Variants in EBI3 observed in about 807,000 individuals in gnomAD.
EBI3 encodes interleukin-27 subunit beta.
Under a neutral mutation model 21.3 loss-of-function variants are expected in EBI3, and 19 were observed. That is an observed-to-expected ratio of 0.89 (90% CI 0.62 to 1.31). EBI3 has a LOEUF of 1.31. EBI3 is among the 50% of genes most tolerant of loss of function. EBI3 has a pLI of 0.00. For synonymous variants in EBI3, 154 were observed against 131.2 expected (o/e 1.17, Z -1.19); for missense variants, 331 against 314.0 (o/e 1.05, Z -0.41).
Position 4,234,743 on chromosome 19 carries a change from C to G in EBI3, c.456C>G (p.Pro152=). 1 of 1,614,120 alleles carries G rather than the reference C, an allele frequency of 6.2e-7. No individual in the cohort carries two copies. The highest frequency in any genetic ancestry group is 8.5e-7 in the Non-Finnish European group (1 of 1,180,018). ...AGCTACAGGTGCAGTGGGAGCCTCC[C>G]GGGTCCTGGCCCTTCCCAGAGATCT... is the stretch of plus-strand genomic sequence containing the variant. ...ERQLQVQWEP[P]GSWPFPEIFS... The change falls in exon 4 of 5, where the codon CCC becomes CCG. Residue 152 remains proline, a synonymous_variant. Coordinates refer to ENST00000221847, the MANE Select transcript of EBI3 (RefSeq NM_005755.3).
intron 4 of EBI3, among the ~76,000 whole-genome samples, chr19:4,236,543 A>AAAAAAAAAT (rs869283945): frequency 6.7e-6 from 1 of 149,674 alleles, no homozygotes; most frequent in Admixed American, 6.7e-5. Flanking sequence ...AAAAAAAAAA[A>AAAAAAAAAT]GCATGGTTAA....
chr19:4,235,928 C>G (rs765231792), intron 4 of EBI3, among the ~76,000 whole-genome samples: 18 of 151,494 alleles, frequency 1.2e-4, no homozygotes, highest in Non-Finnish European at 2.5e-4. Context: ...CTCTGTCTCC[C>G]AACTTAAATA....
intron 1 of EBI3, among the ~76,000 whole-genome samples, chr19:4,229,822 T>A (rs1354860519): frequency 1.3e-5 from 2 of 152,136 alleles, no homozygotes; most frequent in Admixed American, 6.5e-5. Flanking sequence ...ACCTTGTGGG[T>A]GATAGGGACT....
chr19:4,231,351 G>A, intron 2 of EBI3, 28 bp downstream of exon 2: 4 of 1,580,268 alleles, frequency 2.5e-6, no homozygotes, highest in East Asian at 2.3e-5. Flanking sequence ...GGGGCCTCAG[G>A]GACACTGGAC....
At chr19:4,229,716 G>A (rs1013331669) in intron 1 of EBI3, 99 bp downstream of exon 1, 7 of 1,242,062 alleles carry the variant, frequency 5.6e-6, no homozygotes, top group Admixed American at 2.3e-5. Context: ...ACATCCTCCC[G>A]TGCCCAATGG....
Position 4,234,651 on chromosome 19 carries a change from C to A in EBI3, c.380-16C>A. 1 of 1,607,636 alleles carries A rather than the reference C, an allele frequency of 6.2e-7. No homozygotes were observed. Reference sequence around the variant, plus strand: ...GACTTACTGTCCCCTGACCCTGCTTCCTGCTTGTCCGTCAGTCAAGCCCGA... The same window carrying A: ...GACTTACTGTCCCCTGACCCTGCTTACTGCTTGTCCGTCAGTCAAGCCCGA... On this transcript the variant is annotated splice_polypyrimidine_tract_variant and intron_variant, in intron 3 of 4. Coordinates refer to ENST00000221847, the MANE Select transcript of EBI3 (RefSeq NM_005755.3).
intron 4 of EBI3, among the ~76,000 whole-genome samples, chr19:4,236,435 TG>T (rs1226650622): frequency 1.5e-5 from 2 of 137,642 alleles, no homozygotes; most frequent in Admixed American, 8.4e-5. Flanking sequence ...CGTGAGAGGA[TG>T]GTTTGAGCCT....
chr19:4,232,932 G>A (rs1970802548), intron 2 of EBI3, 197 bp from the exon 3 acceptor site: 1 of 535,452 alleles, frequency 1.9e-6, no homozygotes, highest in Admixed American at 3.9e-5. Flanking sequence ...TGAACCATCA[G>A]GGGCACCGTG....
intron 4 of EBI3, 131 bp downstream of exon 4, chr19:4,234,955 A>G: frequency 1.5e-6 from 2 of 1,336,544 alleles, no homozygotes; most frequent in Non-Finnish European, 1.0e-6. Flanking sequence ...AGAGCAGTCC[A>G]GCAATCTGAT....
intron 2 of EBI3, among the ~76,000 whole-genome samples, chr19:4,232,791 GGAATGAATTAATGAATGAAT>G (rs1970799674): frequency 1.7e-5 from 1 of 60,044 alleles, no homozygotes; most frequent in African/African-American, 1.3e-4. Context: ...AATGAATGAA[GGAATGAATTAATGAATGAAT>G]GAACGGATGA....
rs746123001 is a variant in EBI3 at position 4,231,287 on chromosome 19, A to T, written c.164A>T (p.Asn55Ile). 6.2e-7 allele frequency: 1 copy of T among 1,611,822 alleles called. No individual in the cohort carries two copies. Among genetic ancestry groups the T allele is most frequent in the South Asian group, 1.1e-5 (1 of 90,836 alleles). ...TCCTGGACCCTGCCGCCTGCTCCAA[A>T]CTCCACCAGCCCCGTGTCCTTCATT... ...DCSWTLPPAP[N>I]STSPVSFIAT... Residue 55 changes from asparagine to isoleucine, a missense_variant, in exon 2 of 5, where the codon AAC becomes ATC. Physicochemically the swap from Asn to Ile is moderately radical, Grantham distance 149. Coordinates refer to ENST00000221847, the MANE Select transcript of EBI3 (RefSeq NM_005755.3).
intron 2 of EBI3, among the ~76,000 whole-genome samples, chr19:4,231,716 A>G (rs1970784730): frequency 6.8e-6 from 1 of 147,876 alleles, no homozygotes; most frequent in African/African-American, 2.5e-5. Context: ...GGTTGCAGTG[A>G]GCCAAGATGG....
In EBI3 at chr19:4,230,511, G is replaced by C. The variant is rs1007446151; in HGVS notation, c.68-680G>C. Among the ~76,000 whole-genome samples the C allele has an allele frequency of 3.9e-5, 6 of 152,260 alleles. No homozygotes were observed. The East Asian group carries it at 9.7e-4, about 25-fold the overall frequency. On this transcript the variant is annotated intron_variant, in intron 1 of 4. Transcript: ENST00000221847. The stretch of plus-strand genomic sequence containing the variant: ...AATTTGAGCCCAGGAATTGGAGGCT[G>C]CAGTGAGCTATGATTGTGCCACTGC...
intron 2 of EBI3, 192 bp from the exon 3 acceptor site, chr19:4,232,937 A>G: frequency 1.8e-6 from 1 of 543,370 alleles, no homozygotes. Flanking sequence ...CATCAGGGGC[A>G]CCGTGATGTT....
intron 3 of EBI3, 143 bp downstream of exon 3, chr19:4,233,450 AC>A: frequency 1.1e-6 from 1 of 940,830 alleles, no homozygotes; most frequent in Non-Finnish European, 1.5e-6. Context: ...CCCCTCCTCT[AC>A]CAGTACGTGG....
In EBI3 at chr19:4,235,304, C is replaced by T. The variant is rs1022587692; in HGVS notation, c.537+480C>T. On this transcript the variant is annotated intron_variant, in intron 4 of 4. Transcript: ENST00000221847. ...AAAGTGCTGGGATTACAGGCGTGAG[C>T]CACCGAATTGTTCACTTTATTGATT... 8.0e-5 allele frequency among the ~76,000 whole-genome samples: 11 copies of T among 137,978 alleles called. No individual in the cohort carries two copies. The East Asian group carries it at 2.2e-3, about 28-fold the overall frequency. 90.5% of individuals were successfully genotyped at this position (137,978 alleles called of 152,430 possible). A position where few individuals can be genotyped will look rare whatever the true frequency, so the allele number is the denominator to read the frequency against.
intron 2 of EBI3, among the ~76,000 whole-genome samples, chr19:4,231,969 G>A (rs1461105506): frequency 6.6e-6 from 1 of 151,766 alleles, no homozygotes; most frequent in African/African-American, 2.4e-5. Flanking sequence ...GCTCACGCCT[G>A]TAATCCCAGC....
In EBI3 at chr19:4,236,952, C is replaced by A; in HGVS notation, c.554C>A (p.Ala185Asp). The change falls in exon 5 of 5, where the codon GCC becomes GAC. Residue 185 changes from alanine (A) to aspartate (D), a missense_variant. By Grantham distance (126) the Ala-to-Asp change is moderately radical. Transcript: ENST00000221847. ...TTCTCTCAGGTGGGGCCCATTGAAG[C>A]CACGTCCTTCATCCTCAGGGCTGTG... ...ARFHRVGPIE[A>D]TSFILRAVRP... The A allele has an allele frequency of 6.6e-7, 1 of 1,509,404 alleles. No homozygotes were observed. The highest frequency in any genetic ancestry group is 1.3e-5 in the South Asian group (1 of 76,828). 93.5% of individuals were successfully genotyped at this position (1,509,404 alleles called of 1,614,324 possible).
chr19:4,231,472 A>G, intron 2 of EBI3, 149 bp downstream of exon 2: 2 of 1,240,076 alleles, frequency 1.6e-6, no homozygotes, highest in Non-Finnish European at 2.1e-6. Context: ...CCCGTCCAAT[A>G]GAAATATACT....
Sources: gnomAD v4.1 joint callset for allele counts (sites outside exome capture counted in the v4.1 genomes callset) on GRCh38, gnomAD v4.1.1 for gene constraint, MANE v1.5 for transcripts, NCBI Gene and HGNC (gene_info 2026-07-23, HGNC 2026-07-21) for gene names.